SPON1: variants seen among roughly 807,000 people sequenced by gnomAD.
SPON1 encodes the protein spondin 1, also known as spondin-1.
Under a neutral mutation model 111.7 loss-of-function variants are expected in SPON1, and 52 were observed. The ratio of observed to expected loss-of-function variants is 0.47; its 90% CI spans 0.37 to 0.59. The LOEUF is 0.59. Ranked by LOEUF, SPON1 falls within the 20% of genes least tolerant of loss-of-function variation. The pLI is 0.00. For synonymous variants in SPON1, 410 were observed against 395.8 expected, an observed-to-expected ratio of 1.04 and a Z score of -0.43; for missense variants, 957 against 1,068.5, an observed-to-expected ratio of 0.90 and a Z score of 1.46.
At chr11:14,014,451 A>G (rs1554914096) in intron 2 of SPON1, among the ~76,000 whole-genome samples, 1 of 152,230 alleles carries the variant, frequency 6.6e-6, no homozygotes, top group Non-Finnish European at 1.5e-5. Context: ...GATACCTCTT[A>G]TACGCAATGG....
intron 3 of SPON1, among the ~76,000 whole-genome samples, chr11:14,044,732 A>G (rs1014381373): frequency 6.6e-6 from 1 of 152,232 alleles, no homozygotes; most frequent in Admixed American, 6.5e-5. Flanking sequence ...TTTTACATTC[A>G]CGAAGGTAAT....
chr11:14,124,625 A>T (rs979787136), intron 5 of SPON1, among the ~76,000 whole-genome samples: 21 of 152,212 alleles, frequency 1.4e-4, no homozygotes, highest in Admixed American at 3.3e-4. Flanking sequence ...GCCAAACAGT[A>T]AATATTTTAG....
Position 14,102,914 on chromosome 11 carries a change from T to C in SPON1, c.676+22893T>C, listed in dbSNP as rs561592943. Among the ~76,000 whole-genome samples the C allele has an allele frequency of 3.6e-4, 55 of 152,342 alleles. 1 individual carries two copies. The South Asian group carries it at 0.011, about 30-fold the overall frequency. On this transcript the variant is annotated intron_variant, in intron 5 of 15. Coordinates refer to ENST00000576479, the MANE Select transcript of SPON1 (RefSeq NM_006108.4). ...GATCTTTGAGAATATGTATTGTGCT[T>C]CTGTTAAATTTTTGGTCCATCTGTT...
intron 2 of SPON1, among the ~76,000 whole-genome samples, chr11:14,030,967 A>T (rs1919312): frequency 1.3e-5 from 2 of 152,114 alleles, no homozygotes; most frequent in African/African-American, 2.4e-5. Context: ...GGTGTTTGTC[A>T]GTGGTGAACT....
intron 3 of SPON1, among the ~76,000 whole-genome samples, chr11:14,064,250 A>G (rs957301294): frequency 1.3e-5 from 2 of 152,244 alleles, no homozygotes; most frequent in African/African-American, 4.8e-5. Flanking sequence ...GGATAATACA[A>G]GATATTAAAT....
chr11:14,026,773 A>C (rs1848521992), intron 2 of SPON1, among the ~76,000 whole-genome samples: 1 of 152,150 alleles, frequency 6.6e-6, no homozygotes, highest in East Asian at 1.9e-4. Flanking sequence ...TCTATGTATA[A>C]TCTTCTCAAT....
In SPON1 at chr11:14,072,356, A is replaced by G. The variant is rs76608091; in HGVS notation, c.480-2989A>G. On this transcript the variant is annotated intron_variant, in intron 3 of 15. Transcript: ENST00000576479. ...TCATCTCTAGTCCCCCAAAATTTTT[A>G]TAATCATATATTTCAAAAATTTGAG... Among the ~76,000 whole-genome samples the G allele has an allele frequency of 3.5e-4, 53 of 152,250 alleles. 1 individual carries two copies. The East Asian group carries it at 9.7e-3, about 28-fold the overall frequency.
intron 2 of SPON1, among the ~76,000 whole-genome samples, chr11:13,984,926 A>C (rs896386988): frequency 1.3e-5 from 2 of 152,218 alleles, no homozygotes; most frequent in Non-Finnish European, 2.9e-5. Flanking sequence ...CTCTGTATGC[A>C]TCCTCCCTTC....
intron 3 of SPON1, among the ~76,000 whole-genome samples, chr11:14,049,303 AT>A (rs1848691435): frequency 6.6e-6 from 1 of 152,158 alleles, no homozygotes; most frequent in African/African-American, 2.4e-5. Context: ...TCATTGCCTA[AT>A]TCACAGACAC....
At chr11:14,168,889 T>C (rs954997960) in intron 6 of SPON1, among the ~76,000 whole-genome samples, 1 of 152,228 alleles carries the variant, frequency 6.6e-6, no homozygotes, top group Non-Finnish European at 1.5e-5. Context: ...ATTTTCTTAA[T>C]CCAGTCTATC....
intron 2 of SPON1, among the ~76,000 whole-genome samples, 199 bp from the exon 3 acceptor site, chr11:14,041,322 C>T (rs2618520): frequency 0.091 from 13,893 of 152,126 alleles, 2,082 homozygotes; most frequent in African/African-American, 0.32. Flanking sequence ...GCCCAGTCTG[C>T]GTCCTCATAC....
At chr11:14,117,758 C>T (rs528212111) in intron 5 of SPON1, among the ~76,000 whole-genome samples, 210 of 152,288 alleles carry the variant, frequency 1.4e-3, no homozygotes, top group Non-Finnish European at 2.7e-3. Context: ...TCACCCAGAT[C>T]CTCTAGTTTA....
chr11:14,108,237 C>A (rs145757845), intron 5 of SPON1, among the ~76,000 whole-genome samples: 1 of 152,074 alleles, frequency 6.6e-6, no homozygotes, highest in Non-Finnish European at 1.5e-5. Context: ...TAAAATGAGA[C>A]GATGTATAAA....
intron 15 of SPON1, among the ~76,000 whole-genome samples, chr11:14,264,559 TATG>T (rs1849240370): frequency 1.3e-5 from 2 of 152,336 alleles, no homozygotes; most frequent in African/African-American, 2.4e-5. Context: ...TCAGGATCCT[TATG>T]ATTAGGGAGC....
intron 2 of SPON1, among the ~76,000 whole-genome samples, chr11:14,024,582 T>C (rs1306987226): frequency 1.3e-5 from 2 of 152,172 alleles, no homozygotes; most frequent in Admixed American, 6.5e-5. Context: ...GGTGTGGTCC[T>C]CTGCTCCTCC....
At chr11:13,987,711 C>G (rs782103528) in intron 2 of SPON1, among the ~76,000 whole-genome samples, 2 of 152,164 alleles carry the variant, frequency 1.3e-5, no homozygotes, top group Non-Finnish European at 2.9e-5. Context: ...TCTGATCCAC[C>G]TTGAGCTGAT....
At chr11:14,102,664 C>A (rs779542113) in intron 5 of SPON1, among the ~76,000 whole-genome samples, 1 of 152,142 alleles carries the variant, frequency 6.6e-6, no homozygotes, top group Non-Finnish European at 1.5e-5. Context: ...GGTTCTTAGT[C>A]CTTCTTGACT....
At chr11:14,167,602 T>C (rs1848045425) in intron 6 of SPON1, among the ~76,000 whole-genome samples, 1 of 152,152 alleles carries the variant, frequency 6.6e-6, no homozygotes, top group Admixed American at 6.5e-5. Context: ...ATCTTTAATG[T>C]TAAAGCTAGT....
chr11:14,265,319 T>C (rs1241096625), intron 15 of SPON1, among the ~76,000 whole-genome samples: 2 of 152,202 alleles, frequency 1.3e-5, no homozygotes, highest in African/African-American at 2.4e-5. Flanking sequence ...TGCCTTTTGA[T>C]GAGAAGAACC....
Sources: gnomAD v4.1 joint callset for allele counts (sites outside exome capture counted in the v4.1 genomes callset) on GRCh38, gnomAD v4.1.1 for gene constraint, MANE v1.5 for transcripts, NCBI Gene and HGNC (gene_info 2026-07-23, HGNC 2026-07-21) for gene names.